EIF4G3: variants seen among roughly 807,000 people sequenced by gnomAD.
The protein encoded by EIF4G3 is eukaryotic translation initiation factor 4 gamma 3.
In EIF4G3, 34 loss-of-function variants were observed where a neutral mutation model predicts 186.4. That is an observed-to-expected ratio of 0.18 (90% confidence interval 0.14 to 0.24). The LOEUF is 0.24. Among genes scored for constraint, EIF4G3 ranks in the 10% least tolerant of loss-of-function variants. The probability of loss-of-function intolerance (pLI) is 1.00; values close to 1 mark genes in which losing one functional copy is unlikely to be tolerated. For missense variants in EIF4G3, 1,536 were observed against 1,948.5 expected, an observed-to-expected ratio of 0.79 and a Z score of 3.99; for synonymous variants, 673 against 679.5, an observed-to-expected ratio of 0.99 and a Z score of 0.15.
intron 7 of EIF4G3, among the ~76,000 whole-genome samples, chr1:20,995,705 C>T (rs189857057): frequency 5.9e-4 from 90 of 152,294 alleles, no homozygotes; most frequent in African/African-American, 2.0e-3. Flanking sequence ...TCAAAATTCA[C>T]TCATCATTCC....
chr1:20,905,138 T>C (rs1376304825), intron 14 of EIF4G3, among the ~76,000 whole-genome samples, 167 bp from the exon 15 acceptor site: 1 of 152,234 alleles, frequency 6.6e-6, no homozygotes, highest in African/African-American at 2.4e-5. Context: ...GCCCAGAGAT[T>C]GCAACATCAA....
At chr1:21,129,742 GGAA>G (rs1411758830) in intron 2 of EIF4G3, among the ~76,000 whole-genome samples, 2 of 152,032 alleles carry the variant, frequency 1.3e-5, no homozygotes, top group Non-Finnish European at 2.9e-5. Context: ...ATTCCAGTGA[GGAA>G]GAATATGGAA....
chr1:20,977,090 G>GAAA (rs11444926), intron 10 of EIF4G3, among the ~76,000 whole-genome samples: 1 of 148,260 alleles, frequency 6.7e-6, no homozygotes, highest in Non-Finnish European at 1.5e-5. Context: ...AAATATAAAT[G>GAAA]AAAAAAAAAA....
intron 4 of EIF4G3, among the ~76,000 whole-genome samples, chr1:21,047,764 CT>C (rs770452592): frequency 1.3e-5 from 2 of 152,160 alleles, no homozygotes; most frequent in Non-Finnish European, 2.9e-5. Flanking sequence ...AGCTTTGCAT[CT>C]GCCCCTACAA....
At chr1:21,090,234 G>A (rs1039072452) in intron 2 of EIF4G3, among the ~76,000 whole-genome samples, 22 of 152,062 alleles carry the variant, frequency 1.4e-4, no homozygotes, top group East Asian at 3.9e-4. Context: ...AAAAAATTTC[G>A]AATTCTCCTC....
chr1:20,888,626 A>G (rs1419737840), intron 18 of EIF4G3, among the ~76,000 whole-genome samples: 1 of 152,144 alleles, frequency 6.6e-6, no homozygotes, highest in Non-Finnish European at 1.5e-5. Context: ...AAGTTACTAT[A>G]GGCAAGTCTC....
At chr1:20,956,893 C>T (rs111897480) in intron 12 of EIF4G3, among the ~76,000 whole-genome samples, 3 of 152,096 alleles carry the variant, frequency 2.0e-5, no homozygotes, top group African/African-American at 2.4e-5. Flanking sequence ...CATGAGCCAC[C>T]GCGCCTAGCC....
intron 2 of EIF4G3, among the ~76,000 whole-genome samples, chr1:21,158,030 T>A (rs2097693859): frequency 6.6e-6 from 1 of 152,194 alleles, no homozygotes; most frequent in Non-Finnish European, 1.5e-5. Context: ...TGGAGGTTTC[T>A]CACAATTGTC....
At chr1:21,176,125 G>C (rs1329398421) in intron 2 of EIF4G3, 50 bp downstream of exon 2, 2 of 337,082 alleles carry the variant, frequency 5.9e-6, no homozygotes, top group African/African-American at 2.2e-5. Context: ...GGGTCCCCCT[G>C]GACTGCGACG....
At chr1:20,967,818 TA>T (rs1193308348) in intron 12 of EIF4G3, among the ~76,000 whole-genome samples, 1 of 152,260 alleles carries the variant, frequency 6.6e-6, no homozygotes, top group African/African-American at 2.4e-5. Flanking sequence ...AAATGCTTTC[TA>T]TGTGATCATC....
intron 24 of EIF4G3, among the ~76,000 whole-genome samples, chr1:20,859,625 A>T (rs1179718306): frequency 6.6e-6 from 1 of 152,182 alleles, no homozygotes; most frequent in East Asian, 1.9e-4. Context: ...TTTGAGATGT[A>T]GTCTCACTCT....
intron 2 of EIF4G3, among the ~76,000 whole-genome samples, chr1:21,122,267 C>G (rs898535048): frequency 1.3e-5 from 2 of 151,896 alleles, no homozygotes; most frequent in Non-Finnish European, 2.9e-5. Flanking sequence ...CCATGCTTAC[C>G]CTCAGATGGA....
At chr1:20,969,325 A>C in intron 12 of EIF4G3, 149 bp downstream of exon 12, 1 of 825,392 alleles carries the variant, frequency 1.2e-6, no homozygotes, top group Non-Finnish European at 1.8e-6. Flanking sequence ...AAGAGAAAAA[A>C]CATGTCTGTT....
intron 2 of EIF4G3, among the ~76,000 whole-genome samples, chr1:21,142,003 A>T (rs2097349043): frequency 6.6e-6 from 1 of 152,142 alleles, no homozygotes; most frequent in South Asian, 2.1e-4. Context: ...TAATTTTGTT[A>T]TAAAGAGAAT....
intron 7 of EIF4G3, among the ~76,000 whole-genome samples, chr1:20,991,569 T>A (rs76511707): frequency 1.1e-4 from 16 of 142,528 alleles, no homozygotes; most frequent in East Asian, 2.0e-4. Context: ...CTCTGTCTCA[T>A]AAAAAAAAAA....
intron 14 of EIF4G3, among the ~76,000 whole-genome samples, chr1:20,906,811 T>TACACAC (rs35477773): frequency 6.7e-5 from 10 of 149,772 alleles, no homozygotes; most frequent in East Asian, 6.0e-4. Flanking sequence ...AAAAACTGGA[T>TACACAC]ACACACACAC....
intron 4 of EIF4G3, among the ~76,000 whole-genome samples, chr1:21,030,388 G>C (rs2092629191): frequency 6.6e-6 from 1 of 152,182 alleles, no homozygotes; most frequent in African/African-American, 2.4e-5. Flanking sequence ...GATGGTTTTA[G>C]AAATGGGAGT....
At chr1:20,807,755 GTTTTTTTTTT>G (rs67864326) in intron 36 of EIF4G3, among the ~76,000 whole-genome samples, 15 of 63,870 alleles carry the variant, frequency 2.3e-4, no homozygotes, top group Non-Finnish European at 3.8e-4. Flanking sequence ...CTTTTTTTCT[GTTTTTTTTTT>G]TTTTTTTTTT....
intron 7 of EIF4G3, among the ~76,000 whole-genome samples, chr1:20,992,648 G>A (rs1345605998): frequency 3.9e-5 from 6 of 152,154 alleles, no homozygotes; most frequent in Admixed American, 3.9e-4. Context: ...TTTGTGAAAA[G>A]TATGTGAACC....
Sources: allele counts gnomAD v4.1 joint callset (sites outside exome capture counted in the v4.1 genomes callset), GRCh38; gene constraint gnomAD v4.1.1; transcripts MANE v1.5; gene names NCBI Gene and HGNC (gene_info 2026-07-23, HGNC 2026-07-21).